Variants in BAZ1B observed in about 807,000 individuals in gnomAD.
The protein encoded by BAZ1B is bromodomain adjacent to zinc finger domain 1B.
In BAZ1B, 22 loss-of-function variants were observed where a neutral mutation model predicts 153.8. That is an observed-to-expected ratio of 0.14 (90% CI 0.10 to 0.20). The LOEUF is 0.20. Ranked by LOEUF, BAZ1B falls within the 10% of genes least tolerant of loss-of-function variation. BAZ1B has a pLI of 1.00. For missense variants in BAZ1B, 1,325 were observed against 1,799.3 expected (o/e 0.74, Z 4.77); for synonymous variants, 676 against 633.4 (o/e 1.07, Z -1.01).
At chr7:73,495,435 T>C (rs1384901396) in intron 4 of BAZ1B, among the ~76,000 whole-genome samples, 4 of 152,034 alleles carry the variant, frequency 2.6e-5, no homozygotes, top group African/African-American at 4.8e-5. Flanking sequence ...CATTACACTA[T>C]GCAAACTGAA....
At chr7:73,462,119 C>A (rs1213616437) in intron 12 of BAZ1B, among the ~76,000 whole-genome samples, 1 of 152,210 alleles carries the variant, frequency 6.6e-6, no homozygotes, top group Non-Finnish European at 1.5e-5. Context: ...TACCTGCAGT[C>A]CCAGCTACCT....
At chr7:73,488,506 CG>C (rs1331197603) in intron 6 of BAZ1B, among the ~76,000 whole-genome samples, 2 of 151,996 alleles carry the variant, frequency 1.3e-5, no homozygotes, top group Non-Finnish European at 2.9e-5. Context: ...CCGAGGCAGG[CG>C]GATCACTTGA....
chr7:73,516,532 C>A (rs1790805115), intron 1 of BAZ1B, among the ~76,000 whole-genome samples: 1 of 151,982 alleles, frequency 6.6e-6, no homozygotes, highest in African/African-American at 2.4e-5. Context: ...CGTCTGTAAT[C>A]CCAGCACTGT....
chr7:73,441,355 A>G lies in BAZ1B; in HGVS notation c.*354T>C, dbSNP rs1787609023. 1 of 152,570 alleles carries G rather than the reference A, an allele frequency of 6.6e-6. No individual in the cohort carries two copies. The highest frequency in any genetic ancestry group is 2.4e-5 in the African/African-American group (1 of 41,426). 9.5% of individuals were successfully genotyped at this position (152,570 alleles called of 1,614,324 possible). ...TTTAAAAAAAAAATTAAACATTTAA[A>G]TTCTTCCTGCTTTTCTTCTGCTCCC... On this transcript the variant is annotated 3_prime_UTR_variant, in exon 20 of 20. Transcript: ENST00000339594.
At chr7:73,442,136 T>TGA in intron 19 of BAZ1B, 45 bp downstream of exon 19, 2 of 573,492 alleles carry the variant, frequency 3.5e-6, no homozygotes, top group East Asian at 3.0e-5. Flanking sequence ...CTCGCTCGCC[T>TGA]CCCTCCCACC....
intron 4 of BAZ1B, among the ~76,000 whole-genome samples, chr7:73,497,350 GA>G (rs1554576516): frequency 6.6e-6 from 1 of 152,112 alleles, no homozygotes; most frequent in African/African-American, 2.4e-5. Context: ...AGGTCATTAG[GA>G]AATGATTACA....
intron 2 of BAZ1B, among the ~76,000 whole-genome samples, chr7:73,509,413 AC>A (rs1200383626): frequency 6.6e-6 from 1 of 152,170 alleles, no homozygotes; most frequent in Non-Finnish European, 1.5e-5. Context: ...TACGTAAAGC[AC>A]TGGGGAATAC....
Position 73,444,111 on chromosome 7 carries a change from A to C in BAZ1B, c.3863T>G (p.Ile1288Ser). ...AGLRLRPRKT[I>S]RGKHSVIPPA... ...GGGGATGACGCTGTGCTTGCCCCGGATGGTCTTTCGAGGTCTCACTGAAAG... is the reference window on the plus strand; with the variant it reads ...GGGGATGACGCTGTGCTTGCCCCGGCTGGTCTTTCGAGGTCTCACTGAAAG... The change falls in exon 17 of 20, where the codon ATC becomes AGC. Residue 1288 changes from isoleucine (I) to serine (S), a missense_variant. Coordinates refer to ENST00000339594, the MANE Select transcript of BAZ1B (RefSeq NM_032408.4). 6.2e-7 allele frequency: 1 copy of C among 1,605,020 alleles called. No individual in the cohort carries two copies. Among genetic ancestry groups the C allele is most frequent in the African/African-American group, 1.3e-5 (1 of 74,520 alleles).
intron 8 of BAZ1B, 87 bp downstream of exon 8, chr7:73,470,258 G>T (rs1001472492): frequency 1.5e-6 from 2 of 1,336,430 alleles, no homozygotes; most frequent in Non-Finnish European, 2.0e-6. Flanking sequence ...AGAGAAGCTT[G>T]TCTATTCTTG....
Position 73,477,076 on chromosome 7 carries a change from T to C in BAZ1B, c.2385A>G (p.Lys795=), listed in dbSNP as rs144028644. The C allele has an allele frequency of 1.5e-4, 241 of 1,614,220 alleles. 1 individual carries two copies. In the African/African-American group the frequency reaches 2.9e-3, roughly 20 times the overall value. ...TGGCTTCCATTTCTTTCCGTTTCTGTTTCTCTGCTCTCTTCTTATCATTTT... is the reference window on the plus strand; with the variant it reads ...TGGCTTCCATTTCTTTCCGTTTCTGCTTCTCTGCTCTCTTCTTATCATTTT... ...KEENDKKRAE[K]QKRKEMEAKN... The change falls in exon 7 of 20, where the codon AAA becomes AAG. Residue 795 remains lysine (K), a synonymous_variant. Transcript: ENST00000339594. The surrounding 1 kb of genome is among the most constrained non-coding windows in gnomAD (Gnocchi z 5.6).
At chr7:73,515,659 T>G (rs118108984) in intron 1 of BAZ1B, among the ~76,000 whole-genome samples, 9,178 of 148,146 alleles carry the variant, frequency 0.062, 388 homozygotes, top group Middle Eastern at 0.099. Context: ...CACCTCAGCC[T>G]CCCAAGTAAT....
At chr7:73,485,440 G>GA (rs2116365444) in intron 6 of BAZ1B, among the ~76,000 whole-genome samples, 1 of 152,000 alleles carries the variant, frequency 6.6e-6, no homozygotes, top group African/African-American at 2.4e-5. Flanking sequence ...GGGCAAGAGT[G>GA]AGACTCCATC....
intron 1 of BAZ1B, among the ~76,000 whole-genome samples, chr7:73,516,153 A>C (rs1790790834): frequency 6.6e-6 from 1 of 152,018 alleles, no homozygotes; most frequent in Non-Finnish European, 1.5e-5. Flanking sequence ...CTCAAAAGCA[A>C]AGAGAAAAAT....
intron 13 of BAZ1B, among the ~76,000 whole-genome samples, chr7:73,458,474 G>C (rs562372267): frequency 6.6e-6 from 1 of 152,096 alleles, no homozygotes; most frequent in African/African-American, 2.4e-5. Flanking sequence ...TCAGGAGTTC[G>C]AGACCAACCT....
rs1554570050 is a variant in BAZ1B at position 73,459,564 on chromosome 7, T to C, written c.3404A>G (p.Glu1135Gly). Reference sequence around the variant, plus strand: ...TGCTTCCTCTACCATTTTCTTCTCTTCATCCACTTCCTCAGTTTTTGCTGA... The same window carrying C: ...TGCTTCCTCTACCATTTTCTTCTCTCCATCCACTTCCTCAGTTTTTGCTGA... The part of the protein sequence containing the change: ...EDSAKTEEVD[E>G]EKKMVEEAKV... Residue 1135 changes from glutamate (E) to glycine (G), a missense_variant, in exon 13 of 20, where the codon GAA becomes GGA. Glu to Gly is a moderately conservative substitution (Grantham distance 98, BLOSUM62 -2). Around this residue, in one of 9 missense-constraint regions of BAZ1B, gnomAD observed 431 missense variants for 563.5 expected, o/e 0.76. Coordinates refer to ENST00000339594, the MANE Select transcript of BAZ1B (RefSeq NM_032408.4). 2 of 1,613,690 alleles carry C rather than the reference T, an allele frequency of 1.2e-6. No individual in the cohort carries two copies. The highest frequency in any genetic ancestry group is 1.7e-6 in the Non-Finnish European group (2 of 1,179,954).
At chr7:73,455,568 G>A (rs1189719548) in intron 13 of BAZ1B, among the ~76,000 whole-genome samples, 1 of 152,100 alleles carries the variant, frequency 6.6e-6, no homozygotes, top group East Asian at 1.9e-4. Flanking sequence ...GATCACTTCA[G>A]CCCAGGAGTT....
rs150600071 is a variant in BAZ1B at position 73,489,239 on chromosome 7, G to A, written c.846C>T (p.Tyr282=). ...WVVEDELVKK[Y]SLPSKFSDFL... ...AGTCACTGAACTTGCTGGGCAGAGAGTATTTCTTCACCAATTCATCTTCTA... is the reference window on the plus strand; with the variant it reads ...AGTCACTGAACTTGCTGGGCAGAGAATATTTCTTCACCAATTCATCTTCTA... Residue 282 remains tyrosine, a synonymous_variant, in exon 6 of 20, where the codon TAC becomes TAT. Coordinates refer to ENST00000339594, the MANE Select transcript of BAZ1B (RefSeq NM_032408.4). 11 of 1,614,066 alleles carry A rather than the reference G, an allele frequency of 6.8e-6. No individual in the cohort carries two copies. The African/African-American group carries it at 1.5e-4, about 22-fold the overall frequency.
chr7:73,508,588 CT>C, intron 2 of BAZ1B, 117 bp from the exon 3 acceptor site: 1 of 1,242,114 alleles, frequency 8.1e-7, no homozygotes. Context: ...ATTTATCGCT[CT>C]GTCACCAAGG....
At chr7:73,490,509 T>G (rs1404006046) in intron 5 of BAZ1B, among the ~76,000 whole-genome samples, 2 of 152,200 alleles carry the variant, frequency 1.3e-5, no homozygotes, top group Admixed American at 1.3e-4. Context: ...ATTTGCATTT[T>G]CTTTCTTCCT....
Sources: gnomAD v4.1 joint callset for allele counts (sites outside exome capture counted in the v4.1 genomes callset) on GRCh38, gnomAD v4.1.1 for gene constraint, gnomAD v4.1.1 regional missense constraint, Gnocchi (gnomAD v3.1) non-coding constraint, MANE v1.5 for transcripts, NCBI Gene and HGNC (gene_info 2026-07-23, HGNC 2026-07-21) for gene names.